Variants in HGF observed in about 807,000 individuals in gnomAD.
HGF encodes the protein hepatocyte growth factor.
A neutral mutation model predicts 111.6 loss-of-function variants in HGF; 39 were observed. The observed-to-expected ratio is 0.35, with a 90% confidence interval of 0.27 to 0.46. The LOEUF (loss-of-function observed/expected upper bound fraction) is 0.46, where lower values mean the gene tolerates loss of function less well. Among genes scored for constraint, HGF ranks in the 20% least tolerant of loss-of-function variants. The pLI is 1.00. For synonymous variants in HGF, 285 were observed against 294.8 expected (o/e 0.97, Z 0.34); for missense variants, 735 against 910.5 (o/e 0.81, Z 2.48).
At chr7:81,731,070 C>T (rs746362583) in intron 7 of HGF, among the ~76,000 whole-genome samples, 11 of 152,274 alleles carry the variant, frequency 7.2e-5, no homozygotes, top group Non-Finnish European at 1.3e-4. Flanking sequence ...CAAACCATTT[C>T]TACCTTATGT....
At chr7:81,754,001 C>G (rs1788630120) in intron 4 of HGF, among the ~76,000 whole-genome samples, 1 of 151,882 alleles carries the variant, frequency 6.6e-6, no homozygotes, top group South Asian at 2.1e-4. Flanking sequence ...TCAAATGTGA[C>G]TTTTGCTTTA....
At chr7:81,736,671 G>A in intron 7 of HGF, 2 of 459,812 alleles carry the variant, frequency 4.3e-6, no homozygotes, top group South Asian at 3.1e-5. Flanking sequence ...AGAAGGCATG[G>A]CTGGGGTAAA....
intron 4 of HGF, chr7:81,755,296 T>C (rs1788705863): frequency 6.6e-6 from 1 of 152,144 alleles, no homozygotes; most frequent in Admixed American, 6.5e-5. Flanking sequence ...TTTTTCTATT[T>C]TCTGTAAAAT....
chr7:81,704,240 A>G (rs1357291150), intron 17 of HGF, among the ~76,000 whole-genome samples: 3 of 151,734 alleles, frequency 2.0e-5, no homozygotes, highest in African/African-American at 7.2e-5. Context: ...GGGAAGTGAA[A>G]AATATATAGG....
intron 7 of HGF, 107 bp downstream of exon 7, chr7:81,743,246 C>T (rs1788080854): frequency 1.2e-6 from 1 of 809,660 alleles, no homozygotes; most frequent in Non-Finnish European, 2.2e-6. Context: ...AACCTGCACA[C>T]ATTAAAGCAT....
intron 7 of HGF, chr7:81,742,871 T>C: frequency 6.2e-7 from 1 of 1,607,500 alleles, no homozygotes; most frequent in East Asian, 2.2e-5. Flanking sequence ...AAACTTCTAT[T>C]AGACTCATTA....
In HGF at chr7:81,769,908, G is replaced by A. The variant is rs2116293891; in HGVS notation, c.64C>T (p.Leu22Phe). The A allele has an allele frequency of 6.4e-7, 1 of 1,568,622 alleles. No individual in the cohort carries two copies. The highest frequency in any genetic ancestry group is 8.7e-7 in the Non-Finnish European group (1 of 1,155,712). ...CCTGCATAGGGGATGGCGATGGGGA[G>A]CAGGAGGAGATGCAGGAGGACATGC... The part of the protein sequence containing the change: ...LQHVLLHLLL[L>F]PIAIPYAEGQ... The change falls in exon 1 of 18, where the codon CTC becomes TTC. Residue 22 changes from leucine to phenylalanine, a missense_variant. This residue lies in a region of HGF where 553 missense variants were observed against 685.6 expected (regional missense o/e 0.81). Transcript: ENST00000222390.
intron 7 of HGF, among the ~76,000 whole-genome samples, chr7:81,732,653 G>A (rs73712327): frequency 0.051 from 7,719 of 152,120 alleles, 713 homozygotes; most frequent in African/African-American, 0.18. Flanking sequence ...GAGACAGTAA[G>A]GTAGACATAG....
intron 6 of HGF, 135 bp downstream of exon 6, chr7:81,744,865 T>A (rs1788165425): frequency 3.0e-6 from 3 of 1,006,196 alleles, no homozygotes; most frequent in Non-Finnish European, 4.5e-6. Context: ...TCCTGAACAT[T>A]CTGGGAGTTC....
chr7:81,705,945 A>G (rs1789413893), intron 15 of HGF, among the ~76,000 whole-genome samples, 192 bp from the exon 16 acceptor site: 1 of 151,230 alleles, frequency 6.6e-6, no homozygotes, highest in Admixed American at 6.6e-5. Flanking sequence ...GAAATGAGTC[A>G]TGTATTTGCC....
At chr7:81,703,528 T>C (rs984952957) in intron 17 of HGF, among the ~76,000 whole-genome samples, 2 of 150,014 alleles carry the variant, frequency 1.3e-5, no homozygotes, top group African/African-American at 4.9e-5. Flanking sequence ...TATATATACA[T>C]GCATATATTC....
chr7:81,708,247 G>T (rs1249429469), intron 13 of HGF, among the ~76,000 whole-genome samples: 1 of 151,878 alleles, frequency 6.6e-6, no homozygotes, highest in Non-Finnish European at 1.5e-5. Flanking sequence ...TATGAGTTTT[G>T]GAAGAATAAC....
intron 13 of HGF, among the ~76,000 whole-genome samples, chr7:81,708,419 A>T (rs548118159): frequency 6.6e-6 from 1 of 151,850 alleles, no homozygotes; most frequent in East Asian, 1.9e-4. Context: ...AATAACTTAG[A>T]AGTATTAATA....
chr7:81,727,097 G>C (rs1450192147), intron 8 of HGF, among the ~76,000 whole-genome samples: 1 of 150,180 alleles, frequency 6.7e-6, no homozygotes, highest in Non-Finnish European at 1.5e-5. Context: ...CTGGAGTGCA[G>C]TGGCGTGATA....
chr7:81,729,896 G>A, intron 7 of HGF, 117 bp from the exon 8 acceptor site: 2 of 778,394 alleles, frequency 2.6e-6, no homozygotes, highest in Non-Finnish European at 4.1e-6. Context: ...TTACTTATAA[G>A]CTTTTATAAT....
At chr7:81,710,097 T>C (rs911671719) in intron 13 of HGF, 50 bp downstream of exon 13, 2 of 1,238,482 alleles carry the variant, frequency 1.6e-6, no homozygotes, top group Admixed American at 1.7e-5. Flanking sequence ...GGAATAGGAC[T>C]CTCTTGTACA....
rs1380099096 is a variant in HGF at position 81,699,910 on chromosome 7, A to T, written c.*2671T>A. On this transcript the variant is annotated 3_prime_UTR_variant, in exon 18 of 18. Coordinates refer to ENST00000222390, the MANE Select transcript of HGF (RefSeq NM_000601.6). ...ATTTTACTGAGGACCTGCCCACAGC[A>T]TATAGGTAAAAGTCATTACACATTT... The T allele has an allele frequency of 1.3e-5, 2 of 151,734 alleles. No homozygotes were observed. The highest frequency in any genetic ancestry group is 3.0e-5 in the Non-Finnish European group (2 of 67,754). 9.4% of individuals were successfully genotyped at this position (151,734 alleles called of 1,614,324 possible).
At chr7:81,762,285 C>T (rs952778686) in intron 2 of HGF, among the ~76,000 whole-genome samples, 2 of 152,092 alleles carry the variant, frequency 1.3e-5, no homozygotes, top group African/African-American at 4.8e-5. Flanking sequence ...ATTTAAATCC[C>T]TAAATGCAAT....
At chr7:81,742,914 G>T (rs936024888) in intron 7 of HGF, 1 of 1,613,196 alleles carries the variant, frequency 6.2e-7, no homozygotes, top group East Asian at 2.2e-5. Context: ...CTCACCAGAA[G>T]AAGTTCACCA....
Sources: allele counts gnomAD v4.1 joint callset (sites outside exome capture counted in the v4.1 genomes callset), GRCh38; gene constraint gnomAD v4.1.1; regional missense constraint gnomAD v4.1.1; transcripts MANE v1.5; gene names NCBI Gene and HGNC (gene_info 2026-07-23, HGNC 2026-07-21).